The following PTPRT variants were observed in gnomAD, a reference collection of about 807,000 sequenced individuals.
The protein encoded by PTPRT is protein tyrosine phosphatase receptor type T.
A neutral mutation model predicts 176.8 loss-of-function variants in PTPRT; 56 were observed. The ratio of observed to expected loss-of-function variants is 0.32; its 90% CI spans 0.26 to 0.40. The LOEUF (loss-of-function observed/expected upper bound fraction) is 0.40, where lower values mean the gene tolerates loss of function less well. Among genes scored for constraint, PTPRT ranks in the 10% least tolerant of loss-of-function variants. The pLI is 1.00. For missense variants in PTPRT, 1,540 were observed against 1,908.2 expected (o/e 0.81, Z 3.60); for synonymous variants, 783 against 739.0 (o/e 1.06, Z -0.96).
intron 1 of PTPRT, among the ~76,000 whole-genome samples, chr20:43,056,718 T>G (rs766330026): frequency 1.8e-4 from 27 of 152,090 alleles, no homozygotes; most frequent in Non-Finnish European, 3.5e-4. Context: ...TGAAAGCCCA[T>G]AAAAAGAACC....
At chr20:42,169,418 T>C (rs1989978038) in intron 16 of PTPRT, among the ~76,000 whole-genome samples, 1 of 152,054 alleles carries the variant, frequency 6.6e-6, no homozygotes, top group Non-Finnish European at 1.5e-5. Context: ...AGACACTCTA[T>C]GTAGGGATGG....
At chr20:42,415,942 A>G (rs1282276230) in intron 9 of PTPRT, among the ~76,000 whole-genome samples, 4 of 152,252 alleles carry the variant, frequency 2.6e-5, no homozygotes, top group African/African-American at 4.8e-5. Context: ...TGCAACATGT[A>G]TATAGCACAA....
chr20:42,098,629 A>C, intron 26 of PTPRT, 77 bp from the exon 27 acceptor site: 2 of 1,568,974 alleles, frequency 1.3e-6, no homozygotes, highest in Non-Finnish European at 8.7e-7. Context: ...GCCTGGACTG[A>C]GGCCAGAGGC....
At chr20:42,892,176 G>A (rs1021164019) in intron 1 of PTPRT, among the ~76,000 whole-genome samples, 7 of 152,212 alleles carry the variant, frequency 4.6e-5, no homozygotes, top group Non-Finnish European at 1.0e-4. Flanking sequence ...ATCATGTACA[G>A]CAGTACTAAT....
chr20:42,615,756 T>G (rs1480733453), intron 7 of PTPRT, among the ~76,000 whole-genome samples: 1 of 118,882 alleles, frequency 8.4e-6, no homozygotes, highest in Non-Finnish European at 1.7e-5. Context: ...TGTCTGTTCA[T>G]GTCCTTCGCC....
intron 13 of PTPRT, among the ~76,000 whole-genome samples, chr20:42,252,057 G>T (rs1438323018): frequency 2.0e-5 from 3 of 152,162 alleles, no homozygotes; most frequent in Admixed American, 2.0e-4. Flanking sequence ...ATAGGCAGAT[G>T]TGATAAAAGA....
intron 12 of PTPRT, among the ~76,000 whole-genome samples, chr20:42,284,568 T>C (rs530289687): frequency 1.3e-5 from 2 of 152,228 alleles, no homozygotes; most frequent in East Asian, 1.9e-4. Flanking sequence ...TTCTTCCACG[T>C]TGATATTCAT....
chr20:43,032,741 A>G (rs987303172), intron 1 of PTPRT, among the ~76,000 whole-genome samples: 1 of 152,002 alleles, frequency 6.6e-6, no homozygotes, highest in Non-Finnish European at 1.5e-5. Context: ...TCCCTCCTAC[A>G]TTTTCAAGTC....
At chr20:42,710,671 G>A (rs1252192596) in intron 6 of PTPRT, among the ~76,000 whole-genome samples, 1 of 152,268 alleles carries the variant, frequency 6.6e-6, no homozygotes, top group Non-Finnish European at 1.5e-5. Flanking sequence ...ATGGAGAAAT[G>A]TGGGGCTGGA....
intron 9 of PTPRT, among the ~76,000 whole-genome samples, chr20:42,430,547 G>A (rs2059206786): frequency 6.6e-6 from 1 of 152,198 alleles, no homozygotes; most frequent in Non-Finnish European, 1.5e-5. Context: ...GCTAACAGAG[G>A]CTGTGGAAGG....
At chr20:42,038,969 C>T in the PTPRT span, among the ~76,000 whole-genome samples, 1 of 152,128 alleles carries the variant, frequency 6.6e-6, no homozygotes, top group Admixed American at 6.5e-5. Context: ...AAACTTCTCC[C>T]CGATACTTCC....
At chr20:43,027,736 G>A (rs1343071413) in intron 1 of PTPRT, among the ~76,000 whole-genome samples, 2 of 152,140 alleles carry the variant, frequency 1.3e-5, no homozygotes, top group Non-Finnish European at 2.9e-5. Flanking sequence ...GACACTCAGG[G>A]TATGGTAATT....
chr20:42,348,467 T>C (rs1262336538), intron 11 of PTPRT, among the ~76,000 whole-genome samples: 2 of 152,112 alleles, frequency 1.3e-5, no homozygotes, highest in Non-Finnish European at 2.9e-5. Flanking sequence ...TGGTATAGTA[T>C]AGTAAAATGA....
intron 1 of PTPRT, among the ~76,000 whole-genome samples, chr20:43,027,078 G>C (rs1985942310): frequency 6.6e-6 from 1 of 151,968 alleles, no homozygotes; most frequent in Admixed American, 6.6e-5. Context: ...CTTTCTTTTG[G>C]GTAAATACCT....
chr20:42,868,225 C>A (rs968813946), intron 2 of PTPRT, among the ~76,000 whole-genome samples: 3 of 152,114 alleles, frequency 2.0e-5, no homozygotes, highest in African/African-American at 7.2e-5. Context: ...GAGAAAGGCT[C>A]AATCTTCTTA....
intron 16 of PTPRT, among the ~76,000 whole-genome samples, chr20:42,162,921 G>A (rs903351226): frequency 1.3e-5 from 2 of 152,204 alleles, no homozygotes; most frequent in South Asian, 2.1e-4. Flanking sequence ...TAATGGAAGG[G>A]AACACCTGAC....
intron 6 of PTPRT, among the ~76,000 whole-genome samples, chr20:42,749,674 A>G (rs1291538549): frequency 6.6e-6 from 1 of 152,202 alleles, no homozygotes; most frequent in Non-Finnish European, 1.5e-5. Flanking sequence ...GGTGGCTAAC[A>G]TTAACTGACC....
intron 6 of PTPRT, among the ~76,000 whole-genome samples, chr20:42,706,011 T>A (rs990018671): frequency 1.3e-5 from 2 of 151,902 alleles, no homozygotes; most frequent in African/African-American, 2.4e-5. Context: ...GGAGTGGAGA[T>A]TAGGGGGTGG....
downstream of PTPRT, among the ~76,000 whole-genome samples, chr20:42,071,629 C>T (rs1982339126): frequency 1.3e-5 from 2 of 152,098 alleles, no homozygotes; most frequent in African/African-American, 2.4e-5. Context: ...TGGTTTCATA[C>T]CTAAGCTCAG....
Sources: gnomAD v4.1 joint callset for allele counts (sites outside exome capture counted in the v4.1 genomes callset) on GRCh38, gnomAD v4.1.1 for gene constraint, MANE v1.5 for transcripts, NCBI Gene and HGNC (gene_info 2026-07-23, HGNC 2026-07-21) for gene names.